IGSF21: variants seen among roughly 807,000 people sequenced by gnomAD.
IGSF21 encodes the protein immunoglobin superfamily member 21.
In IGSF21, 28 loss-of-function variants were observed where a neutral mutation model predicts 46.8. The ratio of observed to expected loss-of-function variants is 0.60; its 90% CI spans 0.44 to 0.82. IGSF21 has a LOEUF of 0.82. Ranked by LOEUF, IGSF21 falls within the 40% of genes least tolerant of loss-of-function variation. IGSF21 has a pLI of 0.00. For missense variants in IGSF21, 624 were observed against 665.5 expected, an observed-to-expected ratio of 0.94 and a Z score of 0.69; for synonymous variants, 284 against 273.6, an observed-to-expected ratio of 1.04 and a Z score of -0.38.
At chr1:18,257,960 C>T (rs1368936996) in intron 2 of IGSF21, among the ~76,000 whole-genome samples, 1 of 152,172 alleles carries the variant, frequency 6.6e-6, no homozygotes, top group Non-Finnish European at 1.5e-5. Context: ...GAGTGATGCT[C>T]TTCATTGAGC....
chr1:18,277,367 C>T (rs1319485777), intron 2 of IGSF21, among the ~76,000 whole-genome samples: 3 of 152,202 alleles, frequency 2.0e-5, no homozygotes, highest in East Asian at 3.9e-4. Flanking sequence ...CTCCTGTACA[C>T]TCTGATGCTC....
chr1:18,143,171 C>A (rs969346454), intron 1 of IGSF21, among the ~76,000 whole-genome samples: 3 of 152,232 alleles, frequency 2.0e-5, no homozygotes, highest in African/African-American at 7.2e-5. Flanking sequence ...GGCCTGCGTC[C>A]TTGAGCTCAG....
intron 1 of IGSF21, among the ~76,000 whole-genome samples, chr1:18,123,780 AG>A (rs989621013): frequency 6.6e-6 from 1 of 152,168 alleles, no homozygotes; most frequent in Admixed American, 6.5e-5. Flanking sequence ...GTCGGGAGGC[AG>A]GGGTGAAGGA....
intron 6 of IGSF21, among the ~76,000 whole-genome samples, chr1:18,373,351 G>T (rs970903193): frequency 1.2e-4 from 19 of 152,160 alleles, no homozygotes; most frequent in Admixed American, 1.3e-4. Flanking sequence ...TTGTGGTCTA[G>T]AAGCAGGCAA....
At position 18,376,900 on chromosome 1, in the gene IGSF21, G is replaced by A. The variant is rs763564126; in HGVS notation, c.1202G>A (p.Arg401Gln). 2.1e-5 allele frequency: 34 copies of A among 1,612,834 alleles called. No individual in the cohort carries two copies. The highest frequency in any genetic ancestry group is 3.3e-5 in the South Asian group (3 of 91,052). Reference protein sequence around the residue: ...EFDGKELVLERVPAELNGSMY... With the variant: ...EFDGKELVLEQVPAELNGSMY... ...GACGGGAAGGAGCTGGTGCTGGAGCGGGTTCCCGCCGAGCTCAATGGCTCC... is the reference window on the plus strand; with the variant it reads ...GACGGGAAGGAGCTGGTGCTGGAGCAGGTTCCCGCCGAGCTCAATGGCTCC... Residue 401 changes from arginine (R) to glutamine (Q), a missense_variant, in exon 8 of 10, where the codon CGG becomes CAG. Coordinates refer to ENST00000251296, the MANE Select transcript of IGSF21 (RefSeq NM_032880.5).
In IGSF21 at chr1:18,291,879, G is replaced by T. The variant is rs1478036731; in HGVS notation, c.197G>T (p.Gly66Val). ...GCTCTGTGGCAGGTGACGGATGGTG[G>T]CACCATCAAGCAAAAGATCTTCACC... The part of the protein sequence containing the change: ...EIVWYRVTDG[G>V]TIKQKIFTFD... The change falls in exon 3 of 10, where the codon GGC becomes GTC. Residue 66 changes from glycine to valine, a missense_variant. Transcript: ENST00000251296. 1 of 1,613,974 alleles carries T rather than the reference G, an allele frequency of 6.2e-7. No homozygotes were observed. The highest frequency in any genetic ancestry group is 8.5e-7 in the Non-Finnish European group (1 of 1,179,944).
chr1:18,217,043 C>A (rs768157284), intron 1 of IGSF21, among the ~76,000 whole-genome samples: 3 of 152,030 alleles, frequency 2.0e-5, no homozygotes, highest in Non-Finnish European at 2.9e-5. Flanking sequence ...GAGGGTGGTG[C>A]GAGGAATTTA....
intron 4 of IGSF21, among the ~76,000 whole-genome samples, chr1:18,354,021 A>G (rs2085988166): frequency 6.6e-6 from 1 of 152,246 alleles, no homozygotes; most frequent in South Asian, 2.1e-4. Context: ...CAAAGCTCCA[A>G]CTTCCAGGGA....
intron 3 of IGSF21, among the ~76,000 whole-genome samples, chr1:18,305,578 TATGGATGGATGGATGGATGATGGATAG>T (rs2085417421): frequency 2.1e-5 from 1 of 47,768 alleles, no homozygotes; most frequent in Non-Finnish European, 5.6e-5. Context: ...ATGGATGGAT[TATGGATGGATGGATGGATGATGGATAG>T]ATGGATGGAT....
intron 3 of IGSF21, among the ~76,000 whole-genome samples, chr1:18,308,386 GA>G (rs2085448726): frequency 6.6e-6 from 1 of 152,142 alleles, no homozygotes; most frequent in Non-Finnish European, 1.5e-5. Flanking sequence ...GAGCACCTCT[GA>G]TGCACCAGAG....
At chr1:18,283,903 A>T (rs2085187120) in intron 2 of IGSF21, among the ~76,000 whole-genome samples, 1 of 151,668 alleles carries the variant, frequency 6.6e-6, no homozygotes, top group Non-Finnish European at 1.5e-5. Flanking sequence ...TCATTCCTAT[A>T]AAAAAAAATG....
chr1:18,367,751 T>C (rs1483909675), intron 6 of IGSF21, among the ~76,000 whole-genome samples: 1 of 149,392 alleles, frequency 6.7e-6, no homozygotes, highest in Non-Finnish European at 1.5e-5. Flanking sequence ...GGATTACAGG[T>C]GCCTTCCACC....
intron 1 of IGSF21, among the ~76,000 whole-genome samples, chr1:18,125,897 T>G (rs779245214): frequency 7.3e-4 from 111 of 152,310 alleles, no homozygotes; most frequent in Middle Eastern, 6.8e-3. Context: ...GCCTTGGGGC[T>G]GCCAAGAAGT....
chr1:18,237,537 C>T (rs1442270612), intron 2 of IGSF21, among the ~76,000 whole-genome samples: 1 of 152,196 alleles, frequency 6.6e-6, no homozygotes, highest in Non-Finnish European at 1.5e-5. Context: ...AAATAGGCTT[C>T]ACATATATTA....
chr1:18,228,466 T>G (rs956378187), intron 2 of IGSF21, among the ~76,000 whole-genome samples: 1 of 152,194 alleles, frequency 6.6e-6, no homozygotes, highest in East Asian at 1.9e-4. Context: ...CGTATAGGAC[T>G]AATCCTGGTG....
chr1:18,128,425 C>T (rs898540112), intron 1 of IGSF21, among the ~76,000 whole-genome samples: 1 of 152,128 alleles, frequency 6.6e-6, no homozygotes, highest in Admixed American at 6.5e-5. Flanking sequence ...GTCTCCTGGC[C>T]AGGGCGTATG....
At chr1:18,347,544 C>T (rs939476774) in intron 4 of IGSF21, among the ~76,000 whole-genome samples, 7 of 152,210 alleles carry the variant, frequency 4.6e-5, no homozygotes, top group African/African-American at 1.7e-4. Flanking sequence ...GGATCTGTAT[C>T]CCCATTTTAC....
At chr1:18,221,082 T>C (rs1325072579) in intron 1 of IGSF21, among the ~76,000 whole-genome samples, 1 of 152,158 alleles carries the variant, frequency 6.6e-6, no homozygotes, top group Non-Finnish European at 1.5e-5. Context: ...ACCACCATTG[T>C]CTGAGAACCC....
intron 6 of IGSF21, among the ~76,000 whole-genome samples, chr1:18,369,747 C>A (rs1324262894): frequency 6.6e-6 from 1 of 152,216 alleles, no homozygotes; most frequent in Non-Finnish European, 1.5e-5. Context: ...TGAGCCTTCG[C>A]TCCTCCTCTT....
Sources: allele counts gnomAD v4.1 joint callset (sites outside exome capture counted in the v4.1 genomes callset), GRCh38; gene constraint gnomAD v4.1.1; transcripts MANE v1.5; gene names NCBI Gene and HGNC (gene_info 2026-07-23, HGNC 2026-07-21).